Variants in KREMEN1 observed in about 807,000 individuals in gnomAD.
KREMEN1 encodes the protein kremen protein 1.
In KREMEN1, 30 loss-of-function variants were observed where a neutral mutation model predicts 46.5. That is an observed-to-expected ratio of 0.65 (90% CI 0.48 to 0.88). The LOEUF is 0.88. Ranked by LOEUF, KREMEN1 falls within the 40% of genes least tolerant of loss-of-function variation. KREMEN1 has a pLI of 0.00. For synonymous variants in KREMEN1, 214 were observed against 230.6 expected (o/e 0.93, Z 0.65); for missense variants, 533 against 596.9 (o/e 0.89, Z 1.11).
At chr22:29,114,703 C>T (rs74277927) in intron 3 of KREMEN1, among the ~76,000 whole-genome samples, 10,142 of 152,022 alleles carry the variant, frequency 0.067, 418 homozygotes, top group East Asian at 0.12. Flanking sequence ...TAGCAGTCTG[C>T]GTGGACTGAG....
rs898249154 is a variant in KREMEN1, at chr22:29,144,092, G to A, written c.*1980G>A. 1 of 985,410 alleles carries A rather than the reference G, an allele frequency of 1.0e-6. No individual in the cohort carries two copies. Among genetic ancestry groups the A allele is most frequent in the African/African-American group, 1.7e-5 (1 of 57,246 alleles). The allele number at this position is 985,410 out of a possible 1,614,324, so 61.0% of individuals were successfully genotyped here. A position where few individuals can be genotyped will look rare whatever the true frequency, so the allele number is the denominator to read the frequency against. ...CCTGTGCCTCTGCTGGCCAGGCCTA[G>A]GCCCTCGTCAGAGCGTGCCTCTCCA... is the stretch of plus-strand genomic sequence containing the variant. On this transcript the variant is annotated 3_prime_UTR_variant, in exon 9 of 9. Transcript: ENST00000400335.
chr22:29,093,297 T>A (rs1404244984), intron 1 of KREMEN1, among the ~76,000 whole-genome samples: 1 of 152,174 alleles, frequency 6.6e-6, no homozygotes, highest in African/African-American at 2.4e-5. Context: ...CAGCTAAGAA[T>A]GCTAGTGTAA....
chr22:29,144,427 C>A lies in KREMEN1; in HGVS notation c.*2315C>A. The A allele has an allele frequency of 1.0e-6, 1 of 985,632 alleles. No homozygotes were observed. Among genetic ancestry groups the A allele is most frequent in the Non-Finnish European group, 1.2e-6 (1 of 830,080 alleles). 61.1% of individuals were successfully genotyped at this position (985,632 alleles called of 1,614,324 possible). On this transcript the variant is annotated 3_prime_UTR_variant, in exon 9 of 9. Transcript: ENST00000400335. ...AGGGGCAGGACTGCCACCCCAGGCC[C>A]CGTGGGAGGCCTGCTGAGGGCACAG...
In KREMEN1 at chr22:29,145,609, G is replaced by T. The variant is rs2038845813; in HGVS notation, c.*3497G>T. The stretch of plus-strand genomic sequence containing the variant: ...TCAGTGTCCTTGGCCCTTCTGAGAA[G>T]GCAGGCGGGAGGCACACGGTGCCCT... On this transcript the variant is annotated 3_prime_UTR_variant, in exon 9 of 9. Transcript: ENST00000400335. 1 of 985,442 alleles carries T rather than the reference G, an allele frequency of 1.0e-6. No homozygotes were observed. Among genetic ancestry groups the T allele is most frequent in the South Asian group, 4.7e-5 (1 of 21,296 alleles). The allele number at this position is 985,442 out of a possible 1,614,324, so 61.0% of individuals were successfully genotyped here.
In KREMEN1 at chr22:29,142,804, T is replaced by C. The variant is rs1417814060; in HGVS notation, c.*692T>C. The C allele has an allele frequency of 1.0e-6, 1 of 985,370 alleles. No individual in the cohort carries two copies. Among genetic ancestry groups the C allele is most frequent in the Non-Finnish European group, 1.2e-6 (1 of 829,966 alleles). 61.0% of individuals were successfully genotyped at this position (985,370 alleles called of 1,614,324 possible). On this transcript the variant is annotated 3_prime_UTR_variant, in exon 9 of 9. Transcript: ENST00000400335. ...ACATGGGCTTCTTTCTAGATTCTTC[T>C]TTCCATAGCTCATGGAGCTGCAGGG...
At chr22:29,137,809 C>A (rs1013322892) in intron 6 of KREMEN1, 135 bp downstream of exon 6, 82 of 604,638 alleles carry the variant, frequency 1.4e-4, no homozygotes, top group Non-Finnish European at 2.0e-4. Context: ...TTGCAGATCA[C>A]CCCGAGGCTG....
At chr22:29,091,451 AT>A (rs2037804853) in intron 1 of KREMEN1, among the ~76,000 whole-genome samples, 2 of 152,144 alleles carry the variant, frequency 1.3e-5, no homozygotes, top group Non-Finnish European at 2.9e-5. Flanking sequence ...TTTAAAAAAA[AT>A]TTTATTTTTA....
rs529117755 is a variant in KREMEN1, at chr22:29,139,579, G to T, written c.1124-703G>T. The stretch of plus-strand genomic sequence containing the variant: ...GATTGCACCATTACACTCCAACCTG[G>T]GTGACAGAATGAGACCTTGTCTCAA... On this transcript the variant is annotated intron_variant, in intron 7 of 8. Transcript: ENST00000400335. 2.0e-5 allele frequency among the ~76,000 whole-genome samples: 3 copies of T among 152,018 alleles called. No homozygotes were observed. The South Asian group carries it at 6.2e-4, about 32-fold the overall frequency.
At chr22:29,098,697 A>G (rs895913090) in intron 2 of KREMEN1, among the ~76,000 whole-genome samples, 165 bp from the exon 3 acceptor site, 5 of 151,998 alleles carry the variant, frequency 3.3e-5, no homozygotes, top group Non-Finnish European at 7.3e-5. Flanking sequence ...TGTTCTTGTA[A>G]TATTACCATT....
chr22:29,101,591 A>G (rs1450101192), intron 3 of KREMEN1, among the ~76,000 whole-genome samples: 1 of 152,244 alleles, frequency 6.6e-6, no homozygotes, highest in African/African-American at 2.4e-5. Context: ...GGCAAGTGCC[A>G]TGAAATAGGT....
chr22:29,125,348 G>T lies in KREMEN1; in HGVS notation c.563G>T (p.Cys188Phe), dbSNP rs769320948. 6.2e-7 allele frequency: 1 copy of T among 1,614,188 alleles called. No homozygotes were observed. Among genetic ancestry groups the T allele is most frequent in the Non-Finnish European group, 8.5e-7 (1 of 1,180,026 alleles). The change falls in exon 5 of 9, where the codon TGC becomes TTC. Residue 188 changes from cysteine (C) to phenylalanine (F), a missense_variant. Physicochemically the swap from Cys to Phe is radical, Grantham distance 205 (BLOSUM62 -2). Transcript: ENST00000400335. ...TACGGGGAGGCAGCCAGTACCGAAT[G>T]CAACAGCGTCTGCTTCGGGGATCAC... ...WKYGEAASTE[C>F]NSVCFGDHTQ...
At chr22:29,129,789 TCA>T (rs1290584200) in intron 5 of KREMEN1, among the ~76,000 whole-genome samples, 1 of 152,166 alleles carries the variant, frequency 6.6e-6, no homozygotes, top group Admixed American at 6.5e-5. Flanking sequence ...AAGTAATTTG[TCA>T]CAGACTCTCT....
rs751542642 is a variant in KREMEN1, at chr22:29,137,566, G to A, written c.856G>A (p.Gly286Arg). 15 of 1,613,814 alleles carry A rather than the reference G, an allele frequency of 9.3e-6. No individual in the cohort carries two copies. Among genetic ancestry groups the A allele is most frequent in the Admixed American group, 1.7e-5 (1 of 60,024 alleles). ...YTHRVLARFH[G>R]RSRPPLSFNV... ...CCACCGTGTCCTAGCCCGCTTCCAC[G>A]GGAGGAGCCGCCCACCTCTGTCCTT... Residue 286 changes from glycine to arginine, a missense_variant, in exon 6 of 9, where the codon GGG becomes AGG. Transcript: ENST00000400335.
chr22:29,112,520 T>C (rs1477665288), intron 3 of KREMEN1, among the ~76,000 whole-genome samples: 1 of 152,192 alleles, frequency 6.6e-6, no homozygotes, highest in African/African-American at 2.4e-5. Context: ...TTTCTTATGA[T>C]AGTAAAAGAA....
At chr22:29,134,467 T>C (rs2038624982) in intron 5 of KREMEN1, among the ~76,000 whole-genome samples, 1 of 152,146 alleles carries the variant, frequency 6.6e-6, no homozygotes, top group South Asian at 2.1e-4. Context: ...TCCAGTAGAT[T>C]ATTTACCGTA....
chr22:29,121,380 A>G lies in KREMEN1; in HGVS notation c.376A>G (p.Lys126Glu), dbSNP rs772998795. Residue 126 changes from lysine (K) to glutamate (E), a missense_variant, in exon 4 of 9, where the codon AAG (lysine) becomes GAG (glutamate). Transcript: ENST00000400335. ...CQMPGNLGCY[K>E]DHGNPPPLTG... The stretch of plus-strand genomic sequence containing the variant: ...AGTGCCTGGAAACCTTGGCTGCTAC[A>G]AGGATCATGGAAACCCACCTCCTCT... 1 of 1,613,920 alleles carries G rather than the reference A, an allele frequency of 6.2e-7. No individual in the cohort carries two copies. The highest frequency in any genetic ancestry group is 1.3e-5 in the African/African-American group (1 of 74,910).
At chr22:29,124,787 C>A (rs1201622742) in intron 4 of KREMEN1, among the ~76,000 whole-genome samples, 2 of 152,112 alleles carry the variant, frequency 1.3e-5, no homozygotes, top group African/African-American at 4.8e-5. Flanking sequence ...GCCACCATGC[C>A]CGGCTGTGGT....
chr22:29,149,195 G>A (rs531844679), downstream of KREMEN1, among the ~76,000 whole-genome samples: 2 of 148,822 alleles, frequency 1.3e-5, no homozygotes, highest in East Asian at 2.0e-4. Context: ...ACGGAGTCTC[G>A]CTCTGTCTCC....
chr22:29,155,808 A>C (rs1440835924), intron 9 of KREMEN1, among the ~76,000 whole-genome samples: 1 of 151,582 alleles, frequency 6.6e-6, no homozygotes, highest in Non-Finnish European at 1.5e-5. Flanking sequence ...AAAATACAAA[A>C]ATTAGCTGGG....
Sources: gnomAD v4.1 joint callset for allele counts (sites outside exome capture counted in the v4.1 genomes callset) on GRCh38, gnomAD v4.1.1 for gene constraint, MANE v1.5 for transcripts, NCBI Gene and HGNC (gene_info 2026-07-23, HGNC 2026-07-21) for gene names.